COL4A4: variants seen among roughly 807,000 people sequenced by gnomAD.
COL4A4 encodes collagen alpha-4(IV) chain.
Under a neutral mutation model 192.9 loss-of-function variants are expected in COL4A4, and 105 were observed. The observed-to-expected ratio is 0.54, with a 90% CI of 0.46 to 0.64. COL4A4 has a LOEUF of 0.64. Ranked by LOEUF, COL4A4 falls within the 30% of genes least tolerant of loss-of-function variation. The pLI, the probability that COL4A4 is intolerant of heterozygous loss-of-function variation, is 0.00. For synonymous variants in COL4A4, 762 were observed against 769.9 expected (o/e 0.99, Z 0.17); for missense variants, 1,967 against 2,169.3 (o/e 0.91, Z 1.85).
chr2:227,041,871 A>G (rs1971421650), intron 37 of COL4A4, among the ~76,000 whole-genome samples: 1 of 140,214 alleles, frequency 7.1e-6, no homozygotes, highest in African/African-American at 2.8e-5. Flanking sequence ...AGAAAGAAAG[A>G]AAGAAAGAAA....
intron 42 of COL4A4, 83 bp from the exon 43 acceptor site, chr2:227,025,893 C>A: frequency 7.8e-7 from 1 of 1,280,226 alleles, no homozygotes; most frequent in East Asian, 2.3e-5. Flanking sequence ...TGGATTAGGA[C>A]AAAAATGAAA....
At chr2:226,988,500 G>T in the COL4A4 span, 1 of 1,530,020 alleles carries the variant, frequency 6.5e-7, no homozygotes, top group Non-Finnish European at 8.8e-7. Context: ...AAAGACTCAG[G>T]CCTTGCGAGG....
chr2:227,056,148 A>C, intron 29 of COL4A4, 33 bp from the exon 30 acceptor site: 1 of 1,600,940 alleles, frequency 6.2e-7, no homozygotes, highest in Non-Finnish European at 8.6e-7. Context: ...CAGTGTGTGA[A>C]GGCTGAACAC....
At chr2:227,129,657 C>T (rs891956587) in intron 4 of COL4A4, among the ~76,000 whole-genome samples, 1 of 152,146 alleles carries the variant, frequency 6.6e-6, no homozygotes, top group Admixed American at 6.5e-5. Context: ...GATCCGCCCC[C>T]CTCGGCCTCC....
At chr2:227,120,643 A>C (rs1225898949) in intron 5 of COL4A4, among the ~76,000 whole-genome samples, 1 of 152,156 alleles carries the variant, frequency 6.6e-6, no homozygotes, top group Non-Finnish European at 1.5e-5. Context: ...CGTGGTTATA[A>C]AACTCCAGTG....
intron 25 of COL4A4, among the ~76,000 whole-genome samples, chr2:227,066,543 G>T (rs1278962361): frequency 6.6e-6 from 1 of 152,182 alleles, no homozygotes; most frequent in Non-Finnish European, 1.5e-5. Context: ...CAAGCCAGAA[G>T]AGAGTGGGGG....
intron 37 of COL4A4, among the ~76,000 whole-genome samples, chr2:227,041,858 GAAAGAAAGAAAGAAAGAA>G (rs1971375530): frequency 7.1e-5 from 7 of 98,510 alleles, no homozygotes; most frequent in African/African-American, 1.4e-4. Context: ...GAGAAAGAAA[GAAAGAAAGAAAGAAAGAA>G]AGAAAGAAAG....
At chr2:227,047,584 G>C (rs1469158252) in intron 34 of COL4A4, 35 bp from the exon 35 acceptor site, 2 of 1,483,914 alleles carry the variant, frequency 1.3e-6, no homozygotes, top group Non-Finnish European at 1.9e-6. Context: ...CATTACTTTA[G>C]ACAATTTAAT....
intron 25 of COL4A4, among the ~76,000 whole-genome samples, chr2:227,065,307 C>T: frequency 6.6e-6 from 1 of 152,100 alleles, no homozygotes; most frequent in Non-Finnish European, 1.5e-5. Flanking sequence ...GGGGGAGGGG[C>T]GCCCGCCATT....
downstream of COL4A4, among the ~76,000 whole-genome samples, chr2:227,002,265 CA>C (rs1330392243): frequency 2.0e-5 from 3 of 151,274 alleles, no homozygotes; most frequent in Non-Finnish European, 4.4e-5. Context: ...GAAATGTAAT[CA>C]ATACCTAACT....
intron 25 of COL4A4, among the ~76,000 whole-genome samples, chr2:227,069,968 C>T (rs1009683079): frequency 4.0e-5 from 6 of 150,758 alleles, no homozygotes; most frequent in African/African-American, 9.8e-5. Flanking sequence ...GCAACCTACT[C>T]ATCTGACAAA....
intron 8 of COL4A4, 107 bp from the exon 9 acceptor site, chr2:227,111,820 G>A (rs878993637): frequency 2.0e-5 from 24 of 1,211,774 alleles, no homozygotes; most frequent in South Asian, 1.8e-4. Context: ...TCTAACTGCA[G>A]TTTGTTCAAT....
At chr2:227,107,017 G>A (rs572563563) in intron 12 of COL4A4, among the ~76,000 whole-genome samples, 20 of 152,326 alleles carry the variant, frequency 1.3e-4, no homozygotes, top group East Asian at 5.8e-4. Flanking sequence ...GGACTGGCGC[G>A]GAAAGTCACT....
downstream of COL4A4, among the ~76,000 whole-genome samples, chr2:227,000,683 A>T (rs960253091): frequency 1.3e-5 from 2 of 151,962 alleles, no homozygotes; most frequent in African/African-American, 4.8e-5. Context: ...GTTGCCCTAA[A>T]TGACTGACCT....
At chr2:227,153,903 C>T (rs1018894402) in intron 1 of COL4A4, among the ~76,000 whole-genome samples, 7 of 152,168 alleles carry the variant, frequency 4.6e-5, no homozygotes, top group African/African-American at 9.7e-5. Flanking sequence ...TAAAGTCTTA[C>T]GTCAATTTAC....
At chr2:226,977,484 G>A in the COL4A4 span, among the ~76,000 whole-genome samples, 1 of 152,254 alleles carries the variant, frequency 6.6e-6, no homozygotes, top group East Asian at 1.9e-4. Context: ...GTGTTGGAAA[G>A]GCGAGCAAAG....
chr2:227,010,539 G>C, intron 45 of COL4A4, 38 bp from the exon 46 acceptor site: 2 of 1,480,604 alleles, frequency 1.4e-6, no homozygotes, highest in South Asian at 2.8e-5. Context: ...GGCAGGTTAG[G>C]GGGTTTGGTT....
At chr2:227,087,420 A>G (rs981487520) in intron 22 of COL4A4, among the ~76,000 whole-genome samples, 5 of 152,074 alleles carry the variant, frequency 3.3e-5, no homozygotes, top group Non-Finnish European at 7.4e-5. Context: ...TCCTCACCCA[A>G]TGCCCACTCC....
At position 227,043,125 on chromosome 2, in the gene COL4A4, G is replaced by T. The variant is rs1971792084; in HGVS notation, c.3349C>A (p.Pro1117Thr). Residue 1117 changes from proline (P) to threonine (T), a missense_variant, in exon 36 of 48, where the codon CCT (proline) becomes ACT (threonine). By Grantham distance (38) the Pro-to-Thr change is conservative (BLOSUM62 -1). Coordinates refer to ENST00000396625, the MANE Select transcript of COL4A4 (RefSeq NM_000092.5). ...GAGCCAGGTGGCCCTGGCCTTCCAG[G>T]TGATCCTCTGGGCCCTTGAATACCA... ...LPGIQGPRGS[P>T]GRPGPPGSSG... 6.2e-7 allele frequency: 1 copy of T among 1,614,064 alleles called. No individual in the cohort carries two copies. The highest frequency in any genetic ancestry group is 8.5e-7 in the Non-Finnish European group (1 of 1,180,022).
Sources: gnomAD v4.1 joint callset for allele counts (sites outside exome capture counted in the v4.1 genomes callset) on GRCh38, gnomAD v4.1.1 for gene constraint, MANE v1.5 for transcripts, NCBI Gene and HGNC (gene_info 2026-07-23, HGNC 2026-07-21) for gene names.